The following IL37 variants were observed in gnomAD, a reference collection of about 807,000 sequenced individuals.
The protein encoded by IL37 is interleukin 37.
Under a neutral mutation model 15.4 loss-of-function variants are expected in IL37, and 15 were observed. The observed-to-expected ratio is 0.98, with a 90% confidence interval of 0.65 to 1.50. IL37 has a LOEUF of 1.50. Ranked by LOEUF, IL37 falls within the 40% of genes most tolerant of loss-of-function variation. The pLI is 0.00. For synonymous variants in IL37, 98 were observed against 97.4 expected, an observed-to-expected ratio of 1.01 and a Z score of -0.03; for missense variants, 269 against 261.7, an observed-to-expected ratio of 1.03 and a Z score of -0.19.
intron 1 of IL37, among the ~76,000 whole-genome samples, chr2:112,912,259 GGTCA>G (rs1683192403): frequency 6.6e-6 from 1 of 152,010 alleles, no homozygotes; most frequent in Non-Finnish European, 1.5e-5. Context: ...GAAAGCTCTC[GGTCA>G]ACTGAGATAG....
At chr2:112,914,755 C>T (rs1011442430) in intron 3 of IL37, among the ~76,000 whole-genome samples, 1 of 152,226 alleles carries the variant, frequency 6.6e-6, no homozygotes, top group Admixed American at 6.5e-5. Context: ...CCTGACTTCT[C>T]CTTGTCAGGG....
chr2:112,918,703 A>C lies in IL37; in HGVS notation c.551A>C (p.Asn184Thr). 1 of 1,614,154 alleles carries C rather than the reference A, an allele frequency of 6.2e-7. No individual in the cohort carries two copies. Reference sequence around the variant, plus strand: ...TTCATCTGCACCTCCTGCAATTGTAATGAGCCTGTTGGGGTGACAGATAAA... The same window carrying C: ...TTCATCTGCACCTCCTGCAATTGTACTGAGCCTGTTGGGGTGACAGATAAA... ...GWFICTSCNCNEPVGVTDKFE... is the reference protein window; with the variant it reads ...GWFICTSCNCTEPVGVTDKFE... Residue 184 changes from asparagine (N) to threonine (T), a missense_variant, in exon 6 of 6, where the codon AAT becomes ACT. Transcript: ENST00000263326.
At chr2:112,913,324 C>T (rs1683219330) in intron 2 of IL37, among the ~76,000 whole-genome samples, 1 of 152,240 alleles carries the variant, frequency 6.6e-6, no homozygotes, top group Non-Finnish European at 1.5e-5. Context: ...TCCTCACCTA[C>T]AGATTTGGGG....
intron 3 of IL37, chr2:112,915,378 T>TA: frequency 1.2e-6 from 1 of 806,888 alleles, no homozygotes; most frequent in East Asian, 2.9e-5. Flanking sequence ...TCCATGGTCT[T>TA]AAAATGCCAC....
At chr2:112,917,809 T>G (rs796113214) in intron 5 of IL37, 32 bp downstream of exon 5, 1 of 1,612,854 alleles carries the variant, frequency 6.2e-7, no homozygotes. Flanking sequence ...CCTGGGCCTT[T>G]GGCTACCCCA....
intron 1 of IL37, among the ~76,000 whole-genome samples, 174 bp from the exon 2 acceptor site, chr2:112,912,789 C>T (rs1683205254): frequency 6.6e-6 from 1 of 152,218 alleles, no homozygotes; most frequent in South Asian, 2.1e-4. Flanking sequence ...GGAAATTCTG[C>T]TTTGAAGGCG....
rs1255614700 is a variant in IL37 at position 112,918,719 on chromosome 2, G to A, written c.567G>A (p.Val189=). ...GCAATTGTAATGAGCCTGTTGGGGT[G>A]ACAGATAAATTTGAGAACAGGAAAC... The part of the protein sequence containing the change: ...TSCNCNEPVG[V]TDKFENRKHI... Residue 189 remains valine (V), a synonymous_variant, in exon 6 of 6, where the codon GTG becomes GTA. Coordinates refer to ENST00000263326, the MANE Select transcript of IL37 (RefSeq NM_014439.4). 2 of 1,614,150 alleles carry A rather than the reference G, an allele frequency of 1.2e-6. No homozygotes were observed. Among genetic ancestry groups the A allele is most frequent in the African/African-American group, 2.7e-5 (2 of 75,034 alleles).
intron 3 of IL37, chr2:112,915,129 T>C (rs1683273798): frequency 6.7e-7 from 1 of 1,486,066 alleles, no homozygotes. Context: ...GGGTCAAGGA[T>C]CATGAGCGAG....
chr2:112,918,362 A>G (rs1276236689), intron 5 of IL37, among the ~76,000 whole-genome samples, 199 bp from the exon 6 acceptor site: 1 of 152,052 alleles, frequency 6.6e-6, no homozygotes, highest in Non-Finnish European at 1.5e-5. Context: ...GGGGGACAAG[A>G]AGGCCTGGAA....
intron 2 of IL37, among the ~76,000 whole-genome samples, chr2:112,913,400 C>T (rs964604509): frequency 6.6e-6 from 1 of 152,240 alleles, no homozygotes; most frequent in East Asian, 1.9e-4. Flanking sequence ...TCCCTCCCAA[C>T]ATTCCCAAGT....
rs528629358 is a variant in IL37, at chr2:112,914,044, C to T, written c.145+190C>T. Among the ~76,000 whole-genome samples the T allele has an allele frequency of 1.8e-3, 272 of 152,172 alleles. 1 individual carries two copies. The highest frequency in any genetic ancestry group is 5.9e-3 in the African/African-American group (246 of 41,526). ...GAGATAACTCTGGGAAAGATGAGCCCGGGGAGGGGCAGGTGATGCTCACCT... is the reference window on the plus strand; with the variant it reads ...GAGATAACTCTGGGAAAGATGAGCCTGGGGAGGGGCAGGTGATGCTCACCT... On this transcript the variant is annotated intron_variant, in intron 3 of 5. Transcript: ENST00000263326.
chr2:112,917,347 C>T, intron 4 of IL37, 99 bp downstream of exon 4: 1 of 1,394,376 alleles, frequency 7.2e-7, no homozygotes, highest in Non-Finnish European at 9.8e-7. Context: ...GCCCCATCTC[C>T]AGCAGGTGGT....
intron 3 of IL37, chr2:112,915,235 A>G (rs200517372): frequency 3.9e-5 from 63 of 1,613,918 alleles, no homozygotes; most frequent in Non-Finnish European, 5.0e-5. Flanking sequence ...CAAAGGAAAG[A>G]ACAGCTTTAA....
intron 5 of IL37, 36 bp from the exon 6 acceptor site, chr2:112,918,525 G>A (rs986842042): frequency 5.4e-5 from 86 of 1,584,306 alleles, no homozygotes; most frequent in Non-Finnish European, 6.8e-5. Context: ...CCCTCTCAAA[G>A]CCTGTGCTAT....
chr2:112,918,162 AGT>A (rs1362734924), intron 5 of IL37, among the ~76,000 whole-genome samples: 4 of 150,204 alleles, frequency 2.7e-5, no homozygotes, highest in African/African-American at 9.8e-5. Context: ...CTCGGAGGGC[AGT>A]GTGTCTGCCC....
chr2:112,915,608 G>A (rs1421702084), intron 3 of IL37, among the ~76,000 whole-genome samples: 4 of 152,224 alleles, frequency 2.6e-5, no homozygotes, highest in African/African-American at 9.6e-5. Flanking sequence ...CTAGCTCGGT[G>A]ACTCTCAGTC....
At chr2:112,918,021 C>G (rs946783241) in intron 5 of IL37, among the ~76,000 whole-genome samples, 6 of 152,232 alleles carry the variant, frequency 3.9e-5, no homozygotes, top group African/African-American at 1.4e-4. Context: ...CTGTTCTCCT[C>G]TCCTGGGCTC....
In IL37 at chr2:112,918,633, G is replaced by T; in HGVS notation, c.481G>T (p.Val161Leu). 1 of 1,614,054 alleles carries T rather than the reference G, an allele frequency of 6.2e-7. No individual in the cohort carries two copies. The highest frequency in any genetic ancestry group is 1.1e-5 in the South Asian group (1 of 91,076). Residue 161 changes from valine (V) to leucine (L), a missense_variant, in exon 6 of 6, where the codon GTG (valine) becomes TTG (leucine). Physicochemically the swap from Val to Leu is conservative, Grantham distance 32. Coordinates refer to ENST00000263326, the MANE Select transcript of IL37 (RefSeq NM_014439.4). ...RRPFIFYRAQ[V>L]GSWNMLESAA... ...GCCCTTCATCTTTTATAGGGCTCAGGTGGGCTCCTGGAACATGCTGGAGTC... is the reference window on the plus strand; with the variant it reads ...GCCCTTCATCTTTTATAGGGCTCAGTTGGGCTCCTGGAACATGCTGGAGTC...
In IL37 at chr2:112,918,628, C is replaced by G; in HGVS notation, c.476C>G (p.Ala159Gly). The part of the protein sequence containing the change: ...SARRPFIFYR[A>G]QVGSWNMLES... ...CGCCGGCCCTTCATCTTTTATAGGG[C>G]TCAGGTGGGCTCCTGGAACATGCTG... Residue 159 changes from alanine to glycine, a missense_variant, in exon 6 of 6, where the codon GCT becomes GGT. Physicochemically the swap from Ala to Gly is moderately conservative, Grantham distance 60. Coordinates refer to ENST00000263326, the MANE Select transcript of IL37 (RefSeq NM_014439.4). 1 of 1,614,028 alleles carries G rather than the reference C, an allele frequency of 6.2e-7. No homozygotes were observed. Among genetic ancestry groups the G allele is most frequent in the Non-Finnish European group, 8.5e-7 (1 of 1,180,036 alleles).
Sources: gnomAD v4.1 joint callset for allele counts (sites outside exome capture counted in the v4.1 genomes callset) on GRCh38, gnomAD v4.1.1 for gene constraint, MANE v1.5 for transcripts, NCBI Gene and HGNC (gene_info 2026-07-23, HGNC 2026-07-21) for gene names.